The following JAZF1 variants were observed in gnomAD, a reference collection of about 807,000 sequenced individuals.
The protein encoded by JAZF1 is juxtaposed with another zinc finger protein 1.
JAZF1 carries 8 observed loss-of-function variants against 26.4 expected under a neutral mutation model. The ratio of observed to expected loss-of-function variants is 0.30; its 90% CI spans 0.18 to 0.55. The LOEUF is 0.55. Among genes scored for constraint, JAZF1 ranks in the 20% least tolerant of loss-of-function variants. The pLI is 0.94. For missense variants in JAZF1, 199 were observed against 322.0 expected (o/e 0.62, Z 2.92); for synonymous variants, 126 against 122.3 (o/e 1.03, Z -0.20).
intron 2 of JAZF1, among the ~76,000 whole-genome samples, chr7:27,939,515 T>C (rs1045178994): frequency 2.0e-5 from 3 of 152,210 alleles, no homozygotes; most frequent in African/African-American, 7.2e-5. Context: ...ATGAGCTGTG[T>C]GTCCCTGGGG....
rs1453684073 is a variant in JAZF1 at position 27,852,359 on chromosome 7, C to T, written c.386-11492G>A. On this transcript the variant is annotated intron_variant, in intron 3 of 4. Coordinates refer to ENST00000283928, the MANE Select transcript of JAZF1 (RefSeq NM_175061.4). Reference sequence around the variant, plus strand: ...ACGTTGGCCAGGCTGGTCATGAACTCTTGACCTCAGGTGATCTGCTCACCT... The same window carrying T: ...ACGTTGGCCAGGCTGGTCATGAACTTTTGACCTCAGGTGATCTGCTCACCT... Among the ~76,000 whole-genome samples, 6 of 152,070 alleles carry T rather than the reference C, an allele frequency of 3.9e-5. No individual in the cohort carries two copies. The East Asian group carries it at 9.6e-4, about 24-fold the overall frequency.
chr7:28,177,494 C>T (rs1022601272), intron 1 of JAZF1, among the ~76,000 whole-genome samples: 6 of 152,098 alleles, frequency 3.9e-5, no homozygotes, highest in African/African-American at 1.4e-4. Context: ...ACACCATATT[C>T]CCATAAATAT....
chr7:27,988,027 A>G (rs1256427984), intron 2 of JAZF1, among the ~76,000 whole-genome samples: 1 of 152,142 alleles, frequency 6.6e-6, no homozygotes, highest in Non-Finnish European at 1.5e-5. Context: ...CCTAATCTCA[A>G]GTACCCAGGG....
At chr7:28,034,218 GAAGTTT>G (rs1224863785) in intron 1 of JAZF1, among the ~76,000 whole-genome samples, 1 of 136,650 alleles carries the variant, frequency 7.3e-6, no homozygotes, top group Non-Finnish European at 1.6e-5. Flanking sequence ...ACACACACAC[GAAGTTT>G]AAGTAGAACC....
intron 1 of JAZF1, among the ~76,000 whole-genome samples, chr7:28,142,406 G>A (rs1019992333): frequency 2.0e-5 from 3 of 152,186 alleles, no homozygotes; most frequent in African/African-American, 7.2e-5. Context: ...AGCCAGGTGA[G>A]CAGTAACATA....
intron 1 of JAZF1, among the ~76,000 whole-genome samples, chr7:28,080,314 T>G (rs1023813466): frequency 3.3e-5 from 5 of 152,248 alleles, no homozygotes; most frequent in Non-Finnish European, 5.9e-5. Context: ...CTTACGGGAA[T>G]GTTATGGCTG....
chr7:27,991,331 G>A (rs573150915), intron 2 of JAZF1, among the ~76,000 whole-genome samples: 1 of 152,150 alleles, frequency 6.6e-6, no homozygotes, highest in South Asian at 2.1e-4. Flanking sequence ...CTAATTATTT[G>A]AGTTGGCTGA....
At chr7:27,960,516 ATTC>A (rs1271734860) in intron 2 of JAZF1, among the ~76,000 whole-genome samples, 1 of 152,208 alleles carries the variant, frequency 6.6e-6, no homozygotes, top group African/African-American at 2.4e-5. Context: ...TTGCTGGTAT[ATTC>A]TTCAGTGCAC....
chr7:27,895,244 A>C lies in JAZF1; in HGVS notation c.361T>G (p.Ser121Ala), dbSNP rs1428133565. 2 of 1,605,330 alleles carry C rather than the reference A, an allele frequency of 1.2e-6. No homozygotes were observed. The highest frequency in any genetic ancestry group is 1.7e-6 in the Non-Finnish European group (2 of 1,176,280). The part of the protein sequence containing the change: ...PVTPPITPSS[S>A]FRSSTPTGSE... ...CCTGTCGGAGTGCTGCTGCGGAATG[A>C]AGAGGAGGGGGTGATGGGTGGGGTC... Residue 121 changes from serine (S) to alanine (A), a missense_variant, in exon 3 of 5, where the codon TCA becomes GCA. Ser to Ala is a moderately conservative substitution (Grantham distance 99). This residue lies in a region of JAZF1 where 137 missense variants were observed against 184.8 expected (regional missense o/e 0.74). Coordinates refer to ENST00000283928, the MANE Select transcript of JAZF1 (RefSeq NM_175061.4).
chr7:28,169,854 C>T (rs759779011), intron 1 of JAZF1, among the ~76,000 whole-genome samples: 6 of 152,202 alleles, frequency 3.9e-5, no homozygotes, highest in Non-Finnish European at 5.9e-5. Flanking sequence ...AATCAGGCAG[C>T]TAAATTAGCA....
At chr7:27,927,713 A>G (rs560993481) in intron 2 of JAZF1, among the ~76,000 whole-genome samples, 1 of 152,302 alleles carries the variant, frequency 6.6e-6, no homozygotes, top group South Asian at 2.1e-4. Flanking sequence ...ATATAAAAAT[A>G]TAAAAAAGAA....
At chr7:28,102,124 G>C (rs966706877) in intron 1 of JAZF1, among the ~76,000 whole-genome samples, 11 of 152,148 alleles carry the variant, frequency 7.2e-5, no homozygotes, top group Admixed American at 6.5e-4. Context: ...GCACCCCCAA[G>C]GGACAATGCA....
At chr7:28,113,704 C>A (rs1034091250) in intron 1 of JAZF1, among the ~76,000 whole-genome samples, 1 of 152,150 alleles carries the variant, frequency 6.6e-6, no homozygotes, top group East Asian at 1.9e-4. Context: ...TTGCGAAGTC[C>A]ACACCACTAC....
At chr7:27,878,425 G>A (rs1783717555) in intron 3 of JAZF1, among the ~76,000 whole-genome samples, 1 of 152,130 alleles carries the variant, frequency 6.6e-6, no homozygotes. Flanking sequence ...CTTATGGAGT[G>A]TGAAACACTC....
chr7:27,891,786 T>A (rs544571626), intron 3 of JAZF1, among the ~76,000 whole-genome samples: 1 of 152,166 alleles, frequency 6.6e-6, no homozygotes, highest in Non-Finnish European at 1.5e-5. Flanking sequence ...TGAGCTATGA[T>A]AGCATCACTG....
chr7:27,849,807 G>A (rs1035895578), intron 3 of JAZF1, among the ~76,000 whole-genome samples: 15 of 90,804 alleles, frequency 1.7e-4, no homozygotes, highest in East Asian at 4.7e-4. Flanking sequence ...CCACCTACAC[G>A]GAGCCCACAT....
At position 28,083,105 on chromosome 7, in the gene JAZF1, T is replaced by C. The variant is rs971954564; in HGVS notation, c.116-91124A>G. Among the ~76,000 whole-genome samples, 8 of 152,264 alleles carry C rather than the reference T, an allele frequency of 5.3e-5. No individual in the cohort carries two copies. The South Asian group carries it at 1.0e-3, about 20-fold the overall frequency. ...AATCCCCTCTACCTGGCTGGGGCCA[T>C]TGCCTTCCAGCTTTTTGGCTTCTGG... On this transcript the variant is annotated intron_variant, in intron 1 of 4. Transcript: ENST00000283928.
Position 27,840,872 on chromosome 7 carries a change from A to C in JAZF1, c.386-5T>G. ...CCTCCTCGTCATACTCGCTGCCTGC[A>C]GGACAAGAGAAGTGCAAGGACTGTC... On this transcript the variant is annotated splice_polypyrimidine_tract_variant and splice_region_variant and intron_variant, in intron 3 of 4. Transcript: ENST00000283928. The surrounding 1 kb of genome is among the most constrained non-coding windows in gnomAD (Gnocchi z 5.1). The C allele has an allele frequency of 6.2e-7, 1 of 1,613,768 alleles. No homozygotes were observed. The highest frequency in any genetic ancestry group is 1.3e-5 in the African/African-American group (1 of 75,020).
At chr7:28,150,776 G>A (rs1164251583) in intron 1 of JAZF1, among the ~76,000 whole-genome samples, 14 of 152,324 alleles carry the variant, frequency 9.2e-5, no homozygotes. Context: ...TTCGCCTCCA[G>A]GCCCATGCTG....
Sources: gnomAD v4.1 joint callset for allele counts (sites outside exome capture counted in the v4.1 genomes callset) on GRCh38, gnomAD v4.1.1 for gene constraint, gnomAD v4.1.1 regional missense constraint, Gnocchi (gnomAD v3.1) non-coding constraint, MANE v1.5 for transcripts, NCBI Gene and HGNC (gene_info 2026-07-23, HGNC 2026-07-21) for gene names.